KCNIP4: variants seen among roughly 807,000 people sequenced by gnomAD.
KCNIP4 encodes the protein Kv channel-interacting protein 4.
Under a neutral mutation model 34.0 loss-of-function variants are expected in KCNIP4, and 12 were observed. The ratio of observed to expected loss-of-function variants is 0.35; its 90% confidence interval spans 0.23 to 0.57. The LOEUF (loss-of-function observed/expected upper bound fraction) is 0.57, where lower values mean the gene tolerates loss of function less well. Among genes scored for constraint, KCNIP4 ranks in the 20% least tolerant of loss-of-function variants. The pLI is 0.83. For synonymous variants in KCNIP4, 124 were observed against 102.2 expected (o/e 1.21, Z -1.29); for missense variants, 238 against 311.7 (o/e 0.76, Z 1.78).
chr4:21,605,562 C>A (rs1197896074), intron 1 of KCNIP4, among the ~76,000 whole-genome samples: 1 of 152,012 alleles, frequency 6.6e-6, no homozygotes, highest in Non-Finnish European at 1.5e-5. Flanking sequence ...CTCATTGCAA[C>A]CTTTGTCTCC....
intron 1 of KCNIP4, among the ~76,000 whole-genome samples, chr4:21,765,943 C>T (rs926787606): frequency 2.0e-5 from 3 of 151,828 alleles, no homozygotes; most frequent in Non-Finnish European, 2.9e-5. Flanking sequence ...GTAAACTAAG[C>T]GGCCATTAGA....
At chr4:21,806,967 C>G (rs141289424) in intron 1 of KCNIP4, among the ~76,000 whole-genome samples, 1 of 152,072 alleles carries the variant, frequency 6.6e-6, no homozygotes, top group East Asian at 1.9e-4. Flanking sequence ...AACAATCATA[C>G]CACTCACCAT....
At chr4:21,308,717 T>A (rs1026822345) in intron 1 of KCNIP4, among the ~76,000 whole-genome samples, 8 of 151,166 alleles carry the variant, frequency 5.3e-5, no homozygotes, top group African/African-American at 1.9e-4. Context: ...TGTGAGTGTG[T>A]GTGTGTGTGT....
At chr4:21,906,419 A>C (rs1483395211) in intron 1 of KCNIP4, among the ~76,000 whole-genome samples, 3 of 152,282 alleles carry the variant, frequency 2.0e-5, no homozygotes, top group Non-Finnish European at 4.4e-5. Flanking sequence ...ATGTAGCCAC[A>C]AGCCAAGGAA....
At chr4:21,484,129 T>G (rs189266296) in intron 1 of KCNIP4, among the ~76,000 whole-genome samples, 160 of 152,204 alleles carry the variant, frequency 1.1e-3, no homozygotes, top group African/African-American at 3.8e-3. Flanking sequence ...ATTTTCACTA[T>G]GATTTATGAG....
At chr4:20,853,738 T>C (rs12507676) in intron 2 of KCNIP4, among the ~76,000 whole-genome samples, 53,529 of 152,062 alleles carry the variant, frequency 0.35, 10,419 homozygotes, top group Admixed American at 0.46. Flanking sequence ...AAAATCTTCA[T>C]AATCTATACA....
intron 1 of KCNIP4, among the ~76,000 whole-genome samples, chr4:21,287,453 C>T (rs1239660266): frequency 6.6e-6 from 1 of 152,126 alleles, no homozygotes; most frequent in Non-Finnish European, 1.5e-5. Context: ...CAGCAATGAA[C>T]AGAGTTCTGT....
chr4:21,498,657 C>T (rs574951821), intron 1 of KCNIP4, among the ~76,000 whole-genome samples: 1 of 152,128 alleles, frequency 6.6e-6, no homozygotes, highest in Non-Finnish European at 1.5e-5. Context: ...AATTAAAAAG[C>T]ACCTTGATGG....
At chr4:21,493,548 G>A (rs1732588713) in intron 1 of KCNIP4, among the ~76,000 whole-genome samples, 1 of 152,146 alleles carries the variant, frequency 6.6e-6, no homozygotes, top group African/African-American at 2.4e-5. Context: ...TCCTCAAATT[G>A]TGTCTTTACA....
chr4:21,669,713 A>C (rs1023932209), intron 1 of KCNIP4, among the ~76,000 whole-genome samples: 1 of 152,138 alleles, frequency 6.6e-6, no homozygotes, highest in Non-Finnish European at 1.5e-5. Flanking sequence ...AAAGATGCCC[A>C]CTCTAATAAT....
chr4:21,614,542 T>G (rs1239755031), intron 1 of KCNIP4, among the ~76,000 whole-genome samples: 1 of 148,118 alleles, frequency 6.8e-6, no homozygotes, highest in Non-Finnish European at 1.5e-5. Context: ...TAGCTTCTAT[T>G]TAATGCATAT....
At chr4:20,749,394 T>C (rs1177662479) in intron 5 of KCNIP4, among the ~76,000 whole-genome samples, 1 of 152,190 alleles carries the variant, frequency 6.6e-6, no homozygotes, top group African/African-American at 2.4e-5. Context: ...GTTAGTTAAC[T>C]CATTTGCCTT....
At chr4:20,745,805 C>A (rs1347142480) in intron 5 of KCNIP4, among the ~76,000 whole-genome samples, 4 of 152,100 alleles carry the variant, frequency 2.6e-5, no homozygotes, top group African/African-American at 9.7e-5. Flanking sequence ...CCTCCTGACT[C>A]CCCTGACTCC....
At chr4:21,154,071 T>C (rs1752965261) in intron 1 of KCNIP4, among the ~76,000 whole-genome samples, 4 of 152,200 alleles carry the variant, frequency 2.6e-5, no homozygotes, top group Admixed American at 2.6e-4. Context: ...TGATGATGAA[T>C]TGCATCATCT....
intron 1 of KCNIP4, among the ~76,000 whole-genome samples, chr4:21,779,039 T>C (rs887158870): frequency 6.6e-6 from 1 of 151,044 alleles, no homozygotes; most frequent in Admixed American, 6.6e-5. Context: ...AGAGAGAAGA[T>C]TATATTCTTA....
At chr4:20,927,691 T>C (rs950856178) in intron 1 of KCNIP4, among the ~76,000 whole-genome samples, 5 of 152,160 alleles carry the variant, frequency 3.3e-5, no homozygotes, top group African/African-American at 1.2e-4. Context: ...GGAGTAAGAT[T>C]TGAGACTGAA....
intron 1 of KCNIP4, among the ~76,000 whole-genome samples, chr4:21,311,678 A>C (rs568762126): frequency 7.2e-6 from 1 of 139,176 alleles, no homozygotes; most frequent in East Asian, 2.6e-4. Context: ...TCAGGGCAAG[A>C]CTCTGTCTCA....
At chr4:21,399,013 T>C (rs943713691) in intron 1 of KCNIP4, among the ~76,000 whole-genome samples, 5 of 152,230 alleles carry the variant, frequency 3.3e-5, no homozygotes, top group Non-Finnish European at 7.3e-5. Context: ...AATAATTACA[T>C]AGTTTAGGAA....
At chr4:21,825,564 T>C (rs1403841105) in intron 1 of KCNIP4, among the ~76,000 whole-genome samples, 1 of 152,136 alleles carries the variant, frequency 6.6e-6, no homozygotes, top group African/African-American at 2.4e-5. Context: ...TTCCACAAGA[T>C]TGAAGGTAAT....
Sources: allele counts gnomAD v4.1 joint callset (sites outside exome capture counted in the v4.1 genomes callset), GRCh38; gene constraint gnomAD v4.1.1; transcripts MANE v1.5; gene names NCBI Gene and HGNC (gene_info 2026-07-23, HGNC 2026-07-21).